The following TALDO1 variants were observed in gnomAD, a reference collection of about 807,000 sequenced individuals.
The protein encoded by TALDO1 is transaldolase.
A neutral mutation model predicts 38.1 loss-of-function variants in TALDO1; 29 were observed. That is an observed-to-expected ratio of 0.76 (90% confidence interval 0.57 to 1.04). TALDO1 has a LOEUF of 1.04. TALDO1 is among the 50% of genes least tolerant of loss of function. TALDO1 has a pLI of 0.00. For synonymous variants in TALDO1, 207 were observed against 176.8 expected, an observed-to-expected ratio of 1.17 and a Z score of -1.36; for missense variants, 499 against 438.1, an observed-to-expected ratio of 1.14 and a Z score of -1.24.
chr11:763,978 C>T (rs369725130), intron 6 of TALDO1, 34 bp downstream of exon 6: 56 of 1,599,584 alleles, frequency 3.5e-5, no homozygotes, highest in African/African-American at 6.7e-5. Context: ...GGCTCCTGCT[C>T]GGGCAAGGCC....
intron 4 of TALDO1, among the ~76,000 whole-genome samples, chr11:762,075 C>T (rs1016355191): frequency 6.6e-6 from 1 of 152,122 alleles, no homozygotes; most frequent in Non-Finnish European, 1.5e-5. Flanking sequence ...AAGAGATTCT[C>T]CTGCCTCAGC....
intron 1 of TALDO1, among the ~76,000 whole-genome samples, chr11:750,693 C>T (rs1371042561): frequency 2.6e-5 from 4 of 151,916 alleles, no homozygotes; most frequent in South Asian, 2.1e-4. Context: ...GGCGTGGTGG[C>T]GGGCGCCTGT....
At chr11:762,791 G>A (rs4963124) in intron 4 of TALDO1, among the ~76,000 whole-genome samples, 1 of 152,136 alleles carries the variant, frequency 6.6e-6, no homozygotes, top group Non-Finnish European at 1.5e-5. Flanking sequence ...GGCCTAGTGA[G>A]GCCAAGGGGC....
chr11:761,406 C>T (rs1045716546), intron 4 of TALDO1, among the ~76,000 whole-genome samples: 60 of 150,120 alleles, frequency 4.0e-4, no homozygotes, highest in Middle Eastern at 3.5e-3. Flanking sequence ...GAGGCTGAGG[C>T]GGGAGGATCG....
intron 3 of TALDO1, 122 bp from the exon 4 acceptor site, chr11:760,000 C>T (rs1186453358): frequency 8.1e-6 from 11 of 1,364,686 alleles, no homozygotes; most frequent in African/African-American, 1.4e-5. Context: ...AGGTTGAGGG[C>T]AGTGGTTGGT....
intron 6 of TALDO1, 89 bp from the exon 7 acceptor site, chr11:764,199 T>C (rs1370269482): frequency 3.1e-6 from 5 of 1,607,074 alleles, no homozygotes; most frequent in African/African-American, 1.3e-5. Flanking sequence ...TGGGAGATGC[T>C]TGGGTGCAGC....
chr11:754,218 C>T (rs1158047395), intron 1 of TALDO1, among the ~76,000 whole-genome samples: 1 of 152,042 alleles, frequency 6.6e-6, no homozygotes, highest in Non-Finnish European at 1.5e-5. Context: ...CTCCTGACCT[C>T]AAGTGATCCA....
rs557177693 is a variant in TALDO1, at chr11:758,712, C to G, written c.222-238C>G. Among the ~76,000 whole-genome samples, 7 of 152,090 alleles carry G rather than the reference C, an allele frequency of 4.6e-5. 1 individual carries two copies. Among genetic ancestry groups the G allele is most frequent in the African/African-American group, 1.7e-4 (7 of 41,502 alleles). Reference sequence around the variant, plus strand: ...CTCCACCTCCCAGGTTCACGTCATTCTCCTGCCTCAGCCTCCCTAGTAACT... The same window carrying G: ...CTCCACCTCCCAGGTTCACGTCATTGTCCTGCCTCAGCCTCCCTAGTAACT... On this transcript the variant is annotated intron_variant, in intron 2 of 7. Coordinates refer to ENST00000319006, the MANE Select transcript of TALDO1 (RefSeq NM_006755.2).
At chr11:762,207 G>A (rs1328844708) in intron 4 of TALDO1, among the ~76,000 whole-genome samples, 2 of 151,142 alleles carry the variant, frequency 1.3e-5, no homozygotes, top group African/African-American at 2.4e-5. Context: ...CAGGTGATCC[G>A]CCCGCCTCGG....
At chr11:757,442 G>A (rs1328308449) in intron 2 of TALDO1, among the ~76,000 whole-genome samples, 1 of 151,960 alleles carries the variant, frequency 6.6e-6, no homozygotes, top group Non-Finnish European at 1.5e-5. Flanking sequence ...ACAGGTGCAC[G>A]CCACCACACC....
intron 4 of TALDO1, among the ~76,000 whole-genome samples, chr11:762,580 G>A (rs941574961): frequency 1.3e-5 from 2 of 152,240 alleles, no homozygotes; most frequent in Non-Finnish European, 2.9e-5. Context: ...CAACTCAGCT[G>A]TGCCATCTGC....
chr11:751,918 T>C (rs1862758344), intron 1 of TALDO1, among the ~76,000 whole-genome samples: 1 of 152,168 alleles, frequency 6.6e-6, no homozygotes, highest in African/African-American at 2.4e-5. Flanking sequence ...TGTTATAATG[T>C]TGGGGCACTC....
Position 763,510 on chromosome 11 carries a change from G to A in TALDO1, c.628G>A (p.Glu210Lys). The change falls in exon 5 of 8, where the codon GAA (glutamate) becomes AAA (lysine). Residue 210 changes from glutamate to lysine, a missense_variant. Physicochemically the swap from Glu to Lys is moderately conservative, Grantham distance 56. Coordinates refer to ENST00000319006, the MANE Select transcript of TALDO1 (RefSeq NM_006755.2). ...CGACAAGAAATCCTATGAGCCCCTG[G>A]AAGACCCTGGTGAGGGTCCCTCTGT... Reference protein sequence around the residue: ...NTDKKSYEPLEDPGVKSVTKI... With the variant: ...NTDKKSYEPLKDPGVKSVTKI... 6.2e-7 allele frequency: 1 copy of A among 1,613,588 alleles called. No individual in the cohort carries two copies. The highest frequency in any genetic ancestry group is 8.5e-7 in the Non-Finnish European group (1 of 1,179,896).
chr11:758,706 G>A (rs766124800), intron 2 of TALDO1, among the ~76,000 whole-genome samples: 10 of 151,738 alleles, frequency 6.6e-5, no homozygotes, highest in East Asian at 2.0e-4. Context: ...CCAGGTTCAC[G>A]TCATTCTCCT....
At chr11:747,782 C>T (rs766643370) in intron 1 of TALDO1, among the ~76,000 whole-genome samples, 6 of 150,986 alleles carry the variant, frequency 4.0e-5, no homozygotes, top group Admixed American at 1.3e-4. Context: ...CCGTGAGAGG[C>T]GCAGGGCCAG....
intron 6 of TALDO1, 27 bp from the exon 7 acceptor site, chr11:764,261 C>T: frequency 6.2e-7 from 1 of 1,614,006 alleles, no homozygotes; most frequent in Non-Finnish European, 8.5e-7. Flanking sequence ...ATGGAGCAGG[C>T]ATGGAAGGCT....
rs546714427 is a variant in TALDO1, at chr11:753,191, C to T, written c.98-2688C>T. Among the ~76,000 whole-genome samples the T allele has an allele frequency of 1.5e-3, 227 of 151,670 alleles. 1 individual carries two copies. The highest frequency in any genetic ancestry group is 5.3e-3 in the African/African-American group (219 of 41,340). ...GGTGGATCACCTGAGGTCAGGAGTTCGAGACCAGCCCGGCCAACATGGCAA... is the reference window on the plus strand; with the variant it reads ...GGTGGATCACCTGAGGTCAGGAGTTTGAGACCAGCCCGGCCAACATGGCAA... On this transcript the variant is annotated intron_variant, in intron 1 of 7. Coordinates refer to ENST00000319006, the MANE Select transcript of TALDO1 (RefSeq NM_006755.2).
intron 4 of TALDO1, among the ~76,000 whole-genome samples, chr11:761,485 G>A (rs1862923224): frequency 6.6e-6 from 1 of 152,162 alleles, no homozygotes; most frequent in Non-Finnish European, 1.5e-5. Flanking sequence ...GGGTGACAGA[G>A]TGAGACCCTG....
chr11:748,102 G>A (rs899150755), intron 1 of TALDO1, among the ~76,000 whole-genome samples: 1 of 152,260 alleles, frequency 6.6e-6, no homozygotes, highest in African/African-American at 2.4e-5. Flanking sequence ...GAGATTCAGG[G>A]TAGAGCTTCG....
Sources: gnomAD v4.1 joint callset for allele counts (sites outside exome capture counted in the v4.1 genomes callset) on GRCh38, gnomAD v4.1.1 for gene constraint, MANE v1.5 for transcripts, NCBI Gene and HGNC (gene_info 2026-07-23, HGNC 2026-07-21) for gene names.